Variants in HS2ST1 observed in about 807,000 individuals in gnomAD.
HS2ST1 encodes the protein heparan sulfate 2-O-sulfotransferase 1.
Under a neutral mutation model 42.9 loss-of-function variants are expected in HS2ST1, and 18 were observed. The observed-to-expected ratio is 0.42, with a 90% CI of 0.29 to 0.62. The LOEUF (loss-of-function observed/expected upper bound fraction) is 0.62, where lower values mean the gene tolerates loss of function less well. HS2ST1 is among the 20% of genes least tolerant of loss of function. The pLI, the probability that HS2ST1 is intolerant of heterozygous loss-of-function variation, is 0.21. For missense variants in HS2ST1, 334 were observed against 433.8 expected, an observed-to-expected ratio of 0.77 and a Z score of 2.04; for synonymous variants, 146 against 152.9, an observed-to-expected ratio of 0.95 and a Z score of 0.33.
At chr1:87,079,761 G>A (rs1651636974) in intron 2 of HS2ST1, among the ~76,000 whole-genome samples, 1 of 152,040 alleles carries the variant, frequency 6.6e-6, no homozygotes, top group African/African-American at 2.4e-5. Context: ...GTAGAGGCCA[G>A]GCACAGTGGC....
At chr1:87,072,204 T>A (rs1651429587) in intron 1 of HS2ST1, among the ~76,000 whole-genome samples, 1 of 152,114 alleles carries the variant, frequency 6.6e-6, no homozygotes, top group Non-Finnish European at 1.5e-5. Flanking sequence ...TAGTTTCTAA[T>A]GCAACACCAA....
At chr1:86,961,788 C>T (rs930899509) in intron 1 of HS2ST1, among the ~76,000 whole-genome samples, 1 of 152,134 alleles carries the variant, frequency 6.6e-6, no homozygotes, top group Admixed American at 6.5e-5. Context: ...AAGCAGGTCC[C>T]CTCATAACTT....
At chr1:87,003,463 G>T (rs985088452) in intron 1 of HS2ST1, among the ~76,000 whole-genome samples, 11 of 152,138 alleles carry the variant, frequency 7.2e-5, no homozygotes, top group African/African-American at 2.7e-4. Context: ...CAGTGCTTAC[G>T]TTACCATTAA....
At chr1:86,997,743 T>A (rs958450349) in intron 1 of HS2ST1, among the ~76,000 whole-genome samples, 16 of 152,034 alleles carry the variant, frequency 1.1e-4, no homozygotes, top group Admixed American at 1.0e-3. Context: ...CTGATAAAAG[T>A]GACTGTGTGG....
At position 87,046,125 on chromosome 1, in the gene HS2ST1, A is replaced by G. The variant is rs974826084; in HGVS notation, c.125-26809A>G. ...TTTTTGACAGTTTATATTGGTTATG[A>G]ATGCTTTAGATAACAGAGCTGCCCA... On this transcript the variant is annotated intron_variant, in intron 1 of 6. Coordinates refer to ENST00000370550, the MANE Select transcript of HS2ST1 (RefSeq NM_012262.4). 3 of 693,030 alleles carry G rather than the reference A, an allele frequency of 4.3e-6. No individual in the cohort carries two copies. The Admixed American group carries it at 5.4e-5, about 12-fold the overall frequency. 42.9% of individuals were successfully genotyped at this position (693,030 alleles called of 1,614,324 possible). A position where few individuals can be genotyped will look rare whatever the true frequency, so the allele number is the denominator to read the frequency against.
chr1:87,070,861 G>A (rs1450233670), intron 1 of HS2ST1, among the ~76,000 whole-genome samples: 1 of 151,828 alleles, frequency 6.6e-6, no homozygotes, highest in Non-Finnish European at 1.5e-5. Flanking sequence ...TTCTATCCTA[G>A]GGTCTCTGTC....
At chr1:87,017,685 G>T (rs1015380178) in intron 1 of HS2ST1, among the ~76,000 whole-genome samples, 31 of 151,532 alleles carry the variant, frequency 2.0e-4, no homozygotes, top group African/African-American at 7.3e-4. Flanking sequence ...TTTTATTTTT[G>T]ATTTTTGATA....
chr1:87,044,722 G>A (rs910248775), intron 1 of HS2ST1, among the ~76,000 whole-genome samples: 3 of 152,194 alleles, frequency 2.0e-5, no homozygotes, highest in Admixed American at 6.5e-5. Flanking sequence ...TGTTCAAAGG[G>A]TTTTTAAAGC....
At chr1:86,933,041 A>G (rs1284600039) in intron 1 of HS2ST1, among the ~76,000 whole-genome samples, 1 of 152,194 alleles carries the variant, frequency 6.6e-6, no homozygotes, top group African/African-American at 2.4e-5. Flanking sequence ...TAATTATAGA[A>G]TATTTAGAGA....
intron 1 of HS2ST1, among the ~76,000 whole-genome samples, chr1:86,967,847 T>C (rs543865204): frequency 6.6e-6 from 1 of 152,338 alleles, no homozygotes; most frequent in South Asian, 2.1e-4. Flanking sequence ...ATGGTAGACC[T>C]ACTTTTAGTT....
At chr1:87,054,351 C>G (rs576848847) in intron 1 of HS2ST1, among the ~76,000 whole-genome samples, 50 of 152,226 alleles carry the variant, frequency 3.3e-4, no homozygotes, top group African/African-American at 1.2e-3. Context: ...CCATAAGAAT[C>G]TGCTTGGTTA....
At chr1:86,974,867 A>G (rs1023544589) in intron 1 of HS2ST1, among the ~76,000 whole-genome samples, 2 of 152,196 alleles carry the variant, frequency 1.3e-5, no homozygotes, top group Non-Finnish European at 2.9e-5. Flanking sequence ...TTTCTTAAGT[A>G]GATTCCAAAC....
At chr1:86,999,789 G>A (rs1649226137) in intron 1 of HS2ST1, among the ~76,000 whole-genome samples, 1 of 152,094 alleles carries the variant, frequency 6.6e-6, no homozygotes, top group Non-Finnish European at 1.5e-5. Context: ...CTAATACACA[G>A]TGATTTTTCC....
At chr1:86,989,556 C>G (rs1276076829) in intron 1 of HS2ST1, among the ~76,000 whole-genome samples, 1 of 152,118 alleles carries the variant, frequency 6.6e-6, no homozygotes, top group Non-Finnish European at 1.5e-5. Context: ...TTGGGTCAGC[C>G]AAATTCAGGA....
At chr1:86,960,301 C>T (rs193293603) in intron 1 of HS2ST1, among the ~76,000 whole-genome samples, 2 of 150,462 alleles carry the variant, frequency 1.3e-5, no homozygotes, top group Admixed American at 6.6e-5. Context: ...TGAATTGTAG[C>T]CTTTAATGTT....
chr1:87,017,500 C>T (rs948922024), intron 1 of HS2ST1, among the ~76,000 whole-genome samples: 2 of 152,090 alleles, frequency 1.3e-5, no homozygotes, highest in African/African-American at 4.8e-5. Flanking sequence ...GCCATTATAA[C>T]CATATGTTAT....
chr1:86,948,469 C>T (rs1647403017), intron 1 of HS2ST1, among the ~76,000 whole-genome samples: 2 of 152,184 alleles, frequency 1.3e-5, no homozygotes, highest in African/African-American at 4.8e-5. Flanking sequence ...CTGTTTAAAG[C>T]ATAGCGTTCA....
At chr1:86,925,710 T>C (rs1468419398) in intron 1 of HS2ST1, among the ~76,000 whole-genome samples, 1 of 152,196 alleles carries the variant, frequency 6.6e-6, no homozygotes, top group Non-Finnish European at 1.5e-5. Flanking sequence ...CTGCAACACA[T>C]GTGAATTCAA....
chr1:86,948,666 TTAGAA>T (rs1287903178), intron 1 of HS2ST1, among the ~76,000 whole-genome samples: 2 of 152,230 alleles, frequency 1.3e-5, no homozygotes, highest in Non-Finnish European at 2.9e-5. Flanking sequence ...TTATTTTTAA[TTAGAA>T]TAGTAAAGGT....
Sources: gnomAD v4.1 joint callset for allele counts (sites outside exome capture counted in the v4.1 genomes callset) on GRCh38, gnomAD v4.1.1 for gene constraint, MANE v1.5 for transcripts, NCBI Gene and HGNC (gene_info 2026-07-23, HGNC 2026-07-21) for gene names.